Variants in SLC34A2 observed in about 807,000 individuals in gnomAD.
SLC34A2 encodes the protein sodium-dependent phosphate transport protein 2B.
SLC34A2 carries 41 observed loss-of-function variants against 50.8 expected under a neutral mutation model. The ratio of observed to expected loss-of-function variants is 0.81; its 90% CI spans 0.63 to 1.05. The LOEUF is 1.05. Among genes scored for constraint, SLC34A2 ranks in the 50% least tolerant of loss-of-function variants. The pLI, the probability that SLC34A2 is intolerant of heterozygous loss-of-function variation, is 0.00. For synonymous variants in SLC34A2, 401 were observed against 364.2 expected (o/e 1.10, Z -1.15); for missense variants, 879 against 876.7 (o/e 1.00, Z -0.03).
intron 1 of SLC34A2, among the ~76,000 whole-genome samples, chr4:25,660,974 G>A (rs1173905146): frequency 6.6e-6 from 1 of 152,238 alleles, no homozygotes; most frequent in Admixed American, 6.5e-5. Context: ...AACAAGGACT[G>A]CAAGGACTGG....
intron 1 of SLC34A2, among the ~76,000 whole-genome samples, chr4:25,661,948 C>T (rs1240072695): frequency 4.6e-5 from 7 of 151,636 alleles, no homozygotes; most frequent in African/African-American, 1.5e-4. Context: ...TCTCAGCTCA[C>T]TGCAACCTCT....
intron 1 of SLC34A2, among the ~76,000 whole-genome samples, chr4:25,659,712 A>G (rs1577488576): frequency 6.6e-6 from 1 of 152,194 alleles, no homozygotes; most frequent in African/African-American, 2.4e-5. Context: ...TCAGGGTTGC[A>G]TATAGTGAGG....
chr4:25,669,591 A>G lies in SLC34A2; in HGVS notation c.636-56A>G. 3.9e-6 allele frequency: 6 copies of G among 1,537,538 alleles called. No homozygotes were observed. The South Asian group carries it at 6.7e-5, about 17-fold the overall frequency. On this transcript the variant is annotated intron_variant, in intron 6 of 12. Coordinates refer to ENST00000382051, the MANE Select transcript of SLC34A2 (RefSeq NM_006424.3). ...GATGATACAGGTAATGACCCACCTC[A>G]CATGGTGCCCACTTGCTTAGTGACT...
At position 25,676,173 on chromosome 4, in the gene SLC34A2, C is replaced by G. The variant is rs1313344843; in HGVS notation, c.1497C>G (p.Ile499Met). 6.2e-7 allele frequency: 1 copy of G among 1,614,080 alleles called. No individual in the cohort carries two copies. Among genetic ancestry groups the G allele is most frequent in the Admixed American group, 1.7e-5 (1 of 59,994 alleles). ...LCHFFFNISG[I>M]LLWYPIPFTR... Reference sequence around the variant, plus strand: ...ACTTTTTCTTCAACATCTCCGGCATCTTGCTGTGGTACCCGATCCCGTTCA... The same window carrying G: ...ACTTTTTCTTCAACATCTCCGGCATGTTGCTGTGGTACCCGATCCCGTTCA... Residue 499 changes from isoleucine (I) to methionine (M), a missense_variant, in exon 13 of 13, where the codon ATC becomes ATG. Coordinates refer to ENST00000382051, the MANE Select transcript of SLC34A2 (RefSeq NM_006424.3).
intron 7 of SLC34A2, 83 bp downstream of exon 7, chr4:25,669,925 C>G: frequency 1.6e-6 from 2 of 1,225,250 alleles, no homozygotes; most frequent in East Asian, 4.6e-5. Flanking sequence ...TATAGAGTGT[C>G]TACAACACTA....
rs6448389 is a variant in SLC34A2 at position 25,676,577 on chromosome 4, A to G, written c.1901A>G (p.Asp634Gly). 0.85 allele frequency: 1,368,874 copies of G among 1,613,476 alleles called. 582,539 individuals carry two copies. The highest frequency in any genetic ancestry group is 1 in the East Asian group (44,815 of 44,854). ...TGCCGCGCGTGCTGCTTGCTGTGTGACTGCCCCAAGTGCTGCCGCTGCAGC... is the reference window on the plus strand; with the variant it reads ...TGCCGCGCGTGCTGCTTGCTGTGTGGCTGCCCCAAGTGCTGCCGCTGCAGC... ...VCCRACCLLC[D>G]CPKCCRCSKC... Residue 634 changes from aspartate (D) to glycine (G), a missense_variant, in exon 13 of 13, where the codon GAC (aspartate) becomes GGC (glycine). Physicochemically the swap from Asp to Gly is moderately conservative, Grantham distance 94. Transcript: ENST00000382051.
At chr4:25,674,956 A>C (rs189902474) in intron 12 of SLC34A2, among the ~76,000 whole-genome samples, 1 of 152,338 alleles carries the variant, frequency 6.6e-6, no homozygotes, top group East Asian at 1.9e-4. Context: ...GGAACTTTAC[A>C]ATTAGGAGAA....
intron 9 of SLC34A2, 119 bp from the exon 10 acceptor site, chr4:25,672,968 C>G: frequency 1.8e-6 from 2 of 1,100,000 alleles, no homozygotes; most frequent in Non-Finnish European, 2.8e-6. Flanking sequence ...GGGCTGCCAT[C>G]TGTTAAACTA....
Position 25,678,666 on chromosome 4 carries a change from C to A in SLC34A2, c.*1917C>A. On this transcript the variant is annotated 3_prime_UTR_variant, in exon 13 of 13. Transcript: ENST00000382051. Reference sequence around the variant, plus strand: ...AAAGTGCTGAGATCACAGGCGTGAGCCACCACCAGGCCTGATTGTAATTTT... The same window carrying A: ...AAAGTGCTGAGATCACAGGCGTGAGACACCACCAGGCCTGATTGTAATTTT... The A allele has an allele frequency of 2.5e-6, 1 of 404,758 alleles. No homozygotes were observed. The allele number at this position is 404,758 out of a possible 1,614,324, so 25.1% of individuals were successfully genotyped here.
intron 10 of SLC34A2, 77 bp downstream of exon 10, chr4:25,673,331 T>A: frequency 7.6e-7 from 1 of 1,320,326 alleles, no homozygotes; most frequent in Non-Finnish European, 1.1e-6. Context: ...GATTCCCATC[T>A]AGCAATGGCC....
At chr4:25,675,077 G>A (rs1715041130) in intron 12 of SLC34A2, among the ~76,000 whole-genome samples, 1 of 151,704 alleles carries the variant, frequency 6.6e-6, no homozygotes, top group Non-Finnish European at 1.5e-5. Context: ...TGTAGCCCAG[G>A]CTGGAGTGCA....
At chr4:25,663,870 G>C (rs143707361) in intron 3 of SLC34A2, among the ~76,000 whole-genome samples, 1 of 152,164 alleles carries the variant, frequency 6.6e-6, no homozygotes, top group Non-Finnish European at 1.5e-5. Flanking sequence ...GCTGTCAACT[G>C]CCTCACTCAG....
chr4:25,661,588 A>G (rs1477112007), intron 1 of SLC34A2, among the ~76,000 whole-genome samples: 1 of 152,100 alleles, frequency 6.6e-6, no homozygotes, highest in Non-Finnish European at 1.5e-5. Context: ...GGGTTTTGAC[A>G]CGTTGCCCAG....
intron 9 of SLC34A2, among the ~76,000 whole-genome samples, chr4:25,672,460 G>GTTTT (rs930448170): frequency 6.6e-6 from 1 of 152,098 alleles, no homozygotes; most frequent in African/African-American, 2.4e-5. Flanking sequence ...AAGCTGTAAT[G>GTTTT]TTTTTTCCAA....
At chr4:25,671,518 C>A in intron 8 of SLC34A2, 83 bp from the exon 9 acceptor site, 2 of 1,574,228 alleles carry the variant, frequency 1.3e-6, no homozygotes, top group Non-Finnish European at 1.7e-6. Flanking sequence ...GGTGTCTGCG[C>A]CTGTTCATTC....
intron 1 of SLC34A2, among the ~76,000 whole-genome samples, chr4:25,656,810 C>A (rs926178422): frequency 6.6e-6 from 1 of 152,140 alleles, no homozygotes; most frequent in Non-Finnish European, 1.5e-5. Flanking sequence ...TTTCATCACT[C>A]GAGTCCCCTC....
chr4:25,658,728 C>T (rs975854871), intron 1 of SLC34A2, among the ~76,000 whole-genome samples: 3 of 152,198 alleles, frequency 2.0e-5, no homozygotes, highest in African/African-American at 7.2e-5. Context: ...CAAATGATGA[C>T]TTCTCCCTTC....
chr4:25,660,900 G>T (rs1350071804), intron 1 of SLC34A2, among the ~76,000 whole-genome samples: 1 of 152,050 alleles, frequency 6.6e-6, no homozygotes, highest in Non-Finnish European at 1.5e-5. Context: ...TCTGTGAATT[G>T]CCTTTCTCCA....
intron 12 of SLC34A2, among the ~76,000 whole-genome samples, chr4:25,675,563 T>C (rs1371179460): frequency 6.6e-6 from 1 of 152,252 alleles, no homozygotes. Context: ...GATACATTTT[T>C]AAAAGTAGAA....
Sources: gnomAD v4.1 joint callset for allele counts (sites outside exome capture counted in the v4.1 genomes callset) on GRCh38, gnomAD v4.1.1 for gene constraint, MANE v1.5 for transcripts, NCBI Gene and HGNC (gene_info 2026-07-23, HGNC 2026-07-21) for gene names.